Variants in ANKMY2 observed in about 807,000 individuals in gnomAD.
The protein encoded by ANKMY2 is ankyrin repeat and MYND domain-containing protein 2.
In ANKMY2, 36 loss-of-function variants were observed where a neutral mutation model predicts 50.4. The observed-to-expected ratio is 0.71, with a 90% CI of 0.55 to 0.94. The LOEUF is 0.94. Ranked by LOEUF, ANKMY2 falls within the 40% of genes least tolerant of loss-of-function variation. The pLI is 0.00. For missense variants in ANKMY2, 565 were observed against 524.0 expected (o/e 1.08, Z -0.76); for synonymous variants, 187 against 178.8 (o/e 1.05, Z -0.36).
chr7:16,626,439 T>G (rs566192930), intron 3 of ANKMY2, among the ~76,000 whole-genome samples: 1 of 152,206 alleles, frequency 6.6e-6, no homozygotes, highest in Non-Finnish European at 1.5e-5. Context: ...GTTTATATAA[T>G]GCTTAGAAGT....
intron 4 of ANKMY2, among the ~76,000 whole-genome samples, chr7:16,624,223 C>G (rs74558071): frequency 0.021 from 3,204 of 152,180 alleles, 105 homozygotes; most frequent in African/African-American, 0.073. Flanking sequence ...AGTCCCTATA[C>G]GGCCACTTAC....
In ANKMY2 at chr7:16,602,421, T is replaced by C; in HGVS notation, c.1100A>G (p.Gln367Arg). 1 of 1,613,912 alleles carries C rather than the reference T, an allele frequency of 6.2e-7. No individual in the cohort carries two copies. The highest frequency in any genetic ancestry group is 8.5e-7 in the Non-Finnish European group (1 of 1,179,986). ...CTTTTCTTTGGCAGCCTCCAACTGT[T>C]GCTTTTCGTAAATGTCCTTCAGATT... ...CKNLKDIYEK[Q>R]QLEAAKEKRQ... Residue 367 changes from glutamine to arginine, a missense_variant, in exon 9 of 10, where the codon CAA becomes CGA. Coordinates refer to ENST00000306999, the MANE Select transcript of ANKMY2 (RefSeq NM_020319.3).
intron 7 of ANKMY2, among the ~76,000 whole-genome samples, chr7:16,607,082 A>C (rs889971670): frequency 5.9e-5 from 9 of 152,240 alleles, no homozygotes; most frequent in African/African-American, 2.2e-4. Context: ...AAAACCAATT[A>C]GGCAGTAAAC....
rs755351678 is a variant in ANKMY2, at chr7:16,615,739, A to C, written c.531+5T>G. 1.9e-6 allele frequency: 3 copies of C among 1,614,022 alleles called. No homozygotes were observed. Among genetic ancestry groups the C allele is most frequent in the Non-Finnish European group, 2.5e-6 (3 of 1,180,034 alleles). Reference sequence around the variant, plus strand: ...AAAAAGCAAATACGGTAGACACCACACTACCTTGACAGGATGAAGATTCGT... The same window carrying C: ...AAAAAGCAAATACGGTAGACACCACCCTACCTTGACAGGATGAAGATTCGT... On this transcript the variant is annotated splice_donor_5th_base_variant and intron_variant, in intron 5 of 9. Transcript: ENST00000306999.
At chr7:16,604,589 T>C in intron 8 of ANKMY2, 132 bp downstream of exon 8, 2 of 1,217,550 alleles carry the variant, frequency 1.6e-6, no homozygotes, top group Non-Finnish European at 1.1e-6. Context: ...TTTTAAGTAT[T>C]AAATAGAATA....
rs987031439 is a variant in ANKMY2 at position 16,602,408 on chromosome 7, A to G, written c.1113T>C (p.Ala371=). The G allele has an allele frequency of 9.9e-6, 16 of 1,613,268 alleles. No individual in the cohort carries two copies. The highest frequency in any genetic ancestry group is 8.5e-7 in the Non-Finnish European group (1 of 1,179,890). Residue 371 remains alanine, a synonymous_variant, in exon 9 of 10, where the codon GCT becomes GCC. Coordinates refer to ENST00000306999, the MANE Select transcript of ANKMY2 (RefSeq NM_020319.3). ...TTTCCTCTTGTCTCTTTTCTTTGGC[A>G]GCCTCCAACTGTTGCTTTTCGTAAA... The part of the protein sequence containing the change: ...KDIYEKQQLE[A]AKEKRQEENH...
At chr7:16,607,158 C>T (rs556167562) in intron 7 of ANKMY2, among the ~76,000 whole-genome samples, 1 of 152,312 alleles carries the variant, frequency 6.6e-6, no homozygotes, top group African/African-American at 2.4e-5. Context: ...GAACATAAAA[C>T]TCTCAAAGAA....
chr7:16,624,595 T>C (rs1001448078), intron 4 of ANKMY2, among the ~76,000 whole-genome samples: 4 of 152,200 alleles, frequency 2.6e-5, no homozygotes, highest in East Asian at 3.8e-4. Context: ...CATTTTACCA[T>C]GAGGAAACTG....
rs1781039830 is a variant in ANKMY2, at chr7:16,600,738, C to CA, written c.*22dup. On this transcript the variant is annotated 3_prime_UTR_variant, in exon 10 of 10. Transcript: ENST00000306999. ...AGCTTCTTGCAGGGTGAGGATCATC[C>CA]ACACTGGCACTTGCTCTGGCTTTTA... 6.3e-7 allele frequency: 1 copy of CA among 1,583,172 alleles called. No individual in the cohort carries two copies. Among genetic ancestry groups the CA allele is most frequent in the African/African-American group, 1.3e-5 (1 of 74,074 alleles).
At chr7:16,619,999 G>A (rs571161269) in intron 4 of ANKMY2, among the ~76,000 whole-genome samples, 11 of 152,266 alleles carry the variant, frequency 7.2e-5, no homozygotes, top group East Asian at 3.9e-4. Context: ...TCTATATGTC[G>A]GAGAGAAAAG....
At chr7:16,624,760 C>A (rs17382576) in intron 4 of ANKMY2, among the ~76,000 whole-genome samples, 26,833 of 152,100 alleles carry the variant, frequency 0.18, 2,651 homozygotes, top group Middle Eastern at 0.26. Flanking sequence ...TGAGCAATTA[C>A]AATGGCCCCA....
At chr7:16,629,587 T>A (rs756233759) in intron 2 of ANKMY2, among the ~76,000 whole-genome samples, 2 of 152,118 alleles carry the variant, frequency 1.3e-5, no homozygotes, top group Non-Finnish European at 2.9e-5. Flanking sequence ...CTGTGCAATC[T>A]CTGAAACTGC....
intron 6 of ANKMY2, among the ~76,000 whole-genome samples, chr7:16,610,038 T>C (rs750426551): frequency 5.3e-5 from 8 of 152,210 alleles, no homozygotes; most frequent in Non-Finnish European, 8.8e-5. Flanking sequence ...CTTATTACCA[T>C]GTCAGTTATT....
intron 5 of ANKMY2, among the ~76,000 whole-genome samples, chr7:16,613,485 T>C (rs1314431375): frequency 1.3e-5 from 2 of 152,154 alleles, no homozygotes; most frequent in Non-Finnish European, 2.9e-5. Context: ...ATAGATTGTT[T>C]ATACCTACAA....
At position 16,636,518 on chromosome 7, in the gene ANKMY2, C is replaced by A. The variant is rs540340164; in HGVS notation, c.68-63G>T. 3.9e-5 allele frequency: 52 copies of A among 1,320,694 alleles called. No individual in the cohort carries two copies. The South Asian group carries it at 6.7e-4, about 17-fold the overall frequency. The allele number at this position is 1,320,694 out of a possible 1,614,324, so 81.8% of individuals were successfully genotyped here. A position where few individuals can be genotyped will look rare whatever the true frequency, so the allele number is the denominator to read the frequency against. On this transcript the variant is annotated intron_variant, in intron 1 of 9. Transcript: ENST00000306999. ...TCACTAGAATAAGAGAAAAATCTAACATCAAGGAAATAAACCTTAAGGAGT... is the reference window on the plus strand; with the variant it reads ...TCACTAGAATAAGAGAAAAATCTAAAATCAAGGAAATAAACCTTAAGGAGT...
chr7:16,640,888 C>G (rs1366587348), intron 1 of ANKMY2, among the ~76,000 whole-genome samples: 2 of 152,020 alleles, frequency 1.3e-5, no homozygotes, highest in African/African-American at 4.8e-5. Context: ...AATATATAAT[C>G]AAGTTAAGGA....
chr7:16,635,575 A>C (rs1181333639), intron 2 of ANKMY2, among the ~76,000 whole-genome samples: 1 of 152,236 alleles, frequency 6.6e-6, no homozygotes, highest in Non-Finnish European at 1.5e-5. Context: ...CCATTTCCTC[A>C]GTCAAACTTC....
chr7:16,608,404 G>C (rs1305708836), intron 7 of ANKMY2, among the ~76,000 whole-genome samples: 1 of 152,188 alleles, frequency 6.6e-6, no homozygotes, highest in Non-Finnish European at 1.5e-5. Flanking sequence ...AGCTTTATGA[G>C]ATGGTCTTTT....
chr7:16,636,535 T>C, intron 1 of ANKMY2, 80 bp from the exon 2 acceptor site: 1 of 1,117,296 alleles, frequency 9.0e-7, no homozygotes, highest in African/African-American at 1.6e-5. Context: ...GAAATAAACC[T>C]TAAGGAGTTA....
Sources: allele counts gnomAD v4.1 joint callset (sites outside exome capture counted in the v4.1 genomes callset), GRCh38; gene constraint gnomAD v4.1.1; transcripts MANE v1.5; gene names NCBI Gene and HGNC (gene_info 2026-07-23, HGNC 2026-07-21).